GCC2: variants seen among roughly 807,000 people sequenced by gnomAD.
GCC2 encodes the protein GRIP and coiled-coil domain containing 2, also known as GRIP and coiled-coil domain-containing protein 2.
Under a neutral mutation model 210.6 loss-of-function variants are expected in GCC2, and 120 were observed. The ratio of observed to expected loss-of-function variants is 0.57; its 90% CI spans 0.49 to 0.66. GCC2 has a LOEUF of 0.66. Among genes scored for constraint, GCC2 ranks in the 30% least tolerant of loss-of-function variants. The pLI is 0.00. For missense variants in GCC2, 1,868 were observed against 1,871.9 expected (o/e 1.00, Z 0.04); for synonymous variants, 703 against 652.7 (o/e 1.08, Z -1.17).
At chr2:108,482,095 G>A (rs943491358) in intron 10 of GCC2, among the ~76,000 whole-genome samples, 192 bp from the exon 11 acceptor site, 1 of 152,084 alleles carries the variant, frequency 6.6e-6, no homozygotes, top group African/African-American at 2.4e-5. Context: ...CTGGTCTCTT[G>A]TAAGGTTTAC....
intron 9 of GCC2, among the ~76,000 whole-genome samples, chr2:108,477,041 C>G (rs1018719839): frequency 1.3e-5 from 2 of 152,136 alleles, no homozygotes; most frequent in African/African-American, 4.8e-5. Context: ...ACTATCAGTT[C>G]TCAGATTGGT....
intron 6 of GCC2, 146 bp from the exon 7 acceptor site, chr2:108,472,681 A>G (rs192222786): frequency 4.8e-5 from 29 of 600,336 alleles, no homozygotes; most frequent in African/African-American, 4.0e-4. Context: ...ACAAGGGAAA[A>G]TCTGTTGACC....
At chr2:108,454,954 G>A (rs1049482546) in intron 4 of GCC2, among the ~76,000 whole-genome samples, 7 of 140,868 alleles carry the variant, frequency 5.0e-5, no homozygotes, top group South Asian at 2.3e-4. Flanking sequence ...GTGCAGTGGC[G>A]TGATCTCCGC....
chr2:108,501,264 T>C (rs1001302424), intron 22 of GCC2, among the ~76,000 whole-genome samples: 10 of 152,132 alleles, frequency 6.6e-5, no homozygotes, highest in Admixed American at 2.6e-4. Context: ...GGATTACAGG[T>C]GTGAGCCACC....
chr2:108,490,214 T>C (rs1682343891), intron 18 of GCC2, 200 bp downstream of exon 18: 4 of 393,856 alleles, frequency 1.0e-5, no homozygotes, highest in Non-Finnish European at 1.8e-5. Context: ...TAAGAACAAT[T>C]AATGTCTATC....
At chr2:108,504,230 G>T (rs1158874724) in intron 22 of GCC2, among the ~76,000 whole-genome samples, 1 of 152,060 alleles carries the variant, frequency 6.6e-6, no homozygotes, top group Non-Finnish European at 1.5e-5. Context: ...ATGAGTGTTG[G>T]TAAATACCTG....
intron 4 of GCC2, among the ~76,000 whole-genome samples, chr2:108,461,830 C>CTTTT (rs1313525353): frequency 0.01 from 1,279 of 123,878 alleles, 37 homozygotes; most frequent in African/African-American, 0.018. Flanking sequence ...TTTTTTTTTT[C>CTTTT]TTTTTCTTTT....
At chr2:108,507,416 C>G in intron 22 of GCC2, 144 bp from the exon 23 acceptor site, 1 of 307,900 alleles carries the variant, frequency 3.2e-6, no homozygotes, top group South Asian at 3.3e-5. Context: ...CCCCCCCCCC[C>G]AAAAAAAAGG....
At chr2:108,449,751 T>A in intron 2 of GCC2, 62 bp downstream of exon 2, 2 of 1,355,344 alleles carry the variant, frequency 1.5e-6, no homozygotes, top group Non-Finnish European at 2.1e-6. Flanking sequence ...ATTGGAAAAC[T>A]TTGGCATGGG....
At chr2:108,452,331 C>T (rs986758761) in intron 3 of GCC2, 68 bp from the exon 4 acceptor site, 109 of 840,668 alleles carry the variant, frequency 1.3e-4, no homozygotes, top group Non-Finnish European at 1.8e-4. Context: ...TGAGAATGTA[C>T]TTATCAGTTT....
chr2:108,469,259 C>G (rs535957278), intron 5 of GCC2, 175 bp downstream of exon 5: 2 of 467,344 alleles, frequency 4.3e-6, no homozygotes, highest in South Asian at 4.6e-5. Context: ...TATACAGCAA[C>G]AGAGGTGACA....
chr2:108,486,920 T>C (rs1363310895), intron 16 of GCC2, among the ~76,000 whole-genome samples: 1 of 152,238 alleles, frequency 6.6e-6, no homozygotes, highest in Non-Finnish European at 1.5e-5. Context: ...TATAAAACTT[T>C]TTTTATTAGA....
intron 4 of GCC2, among the ~76,000 whole-genome samples, chr2:108,452,818 C>T (rs1680023265): frequency 6.6e-6 from 1 of 150,730 alleles, no homozygotes; most frequent in African/African-American, 2.4e-5. Flanking sequence ...CTCAGCCTTC[C>T]AAATAGCTGG....
At chr2:108,481,108 A>G (rs1408868181) in intron 9 of GCC2, among the ~76,000 whole-genome samples, 2 of 152,348 alleles carry the variant, frequency 1.3e-5, no homozygotes, top group African/African-American at 2.4e-5. Flanking sequence ...TGTGTGTGGC[A>G]AGAAAGTCTG....
chr2:108,481,816 G>A lies in GCC2; in HGVS notation c.3180G>A (p.Gln1060=). Residue 1060 remains glutamine (Q), a splice_region_variant and synonymous_variant, in exon 10 of 23, where the codon CAG becomes CAA. Coordinates refer to ENST00000309863, the MANE Select transcript of GCC2 (RefSeq NM_181453.4). The stretch of plus-strand genomic sequence containing the variant: ...GACAATTAAGAAATTCGACTTTGCA[G>A]GTAATTTTTTAATAAATCCAAAAAT... ...LTRQLRNSTL[Q]CETINSDNED... 6.5e-7 allele frequency: 1 copy of A among 1,549,044 alleles called. No homozygotes were observed. The highest frequency in any genetic ancestry group is 8.7e-7 in the Non-Finnish European group (1 of 1,151,384).
At position 108,497,015 on chromosome 2, in the gene GCC2, A is replaced by C. The variant is rs1472034310; in HGVS notation, c.4688A>C (p.Gln1563Pro). ...HAEFTKEELV[Q>P]KLSSTTKSAD... ...GAATTTACCAAAGAAGAATTGGTTC[A>C]GAAGCTCAGTTCCACCACAAAAAGT... is the stretch of plus-strand genomic sequence containing the variant. Residue 1563 changes from glutamine (Q) to proline (P), a missense_variant, in exon 21 of 23, where the codon CAG becomes CCG. Coordinates refer to ENST00000309863, the MANE Select transcript of GCC2 (RefSeq NM_181453.4). 1 of 1,611,946 alleles carries C rather than the reference A, an allele frequency of 6.2e-7. No homozygotes were observed. The highest frequency in any genetic ancestry group is 2.2e-5 in the East Asian group (1 of 44,902).
intron 18 of GCC2, chr2:108,490,240 C>T (rs554933976): frequency 2.9e-6 from 1 of 349,628 alleles, no homozygotes; most frequent in South Asian, 1.4e-4. Context: ...ATCCAGTATT[C>T]TGTGTCTCCT....
In GCC2 at chr2:108,507,733, T is replaced by G; in HGVS notation, c.*103T>G. The G allele has an allele frequency of 1.2e-6, 1 of 807,014 alleles. No individual in the cohort carries two copies. Among genetic ancestry groups the G allele is most frequent in the East Asian group, 2.6e-5 (1 of 39,108 alleles). The allele number at this position is 807,014 out of a possible 1,614,324, so 50.0% of individuals were successfully genotyped here. On this transcript the variant is annotated 3_prime_UTR_variant, in exon 23 of 23. Transcript: ENST00000309863. Reference sequence around the variant, plus strand: ...TTGTCAAAAAGTGTGTATATATGTTTGCATCTACATATATTTGTACATCTA... The same window carrying G: ...TTGTCAAAAAGTGTGTATATATGTTGGCATCTACATATATTTGTACATCTA...
intron 6 of GCC2, 113 bp downstream of exon 6, chr2:108,472,229 C>A: frequency 4.5e-6 from 3 of 659,670 alleles, no homozygotes; most frequent in South Asian, 3.4e-5. Context: ...ACCATTTAAG[C>A]CCAAGTGGCA....
Sources: gnomAD v4.1 joint callset for allele counts (sites outside exome capture counted in the v4.1 genomes callset) on GRCh38, gnomAD v4.1.1 for gene constraint, MANE v1.5 for transcripts, NCBI Gene and HGNC (gene_info 2026-07-23, HGNC 2026-07-21) for gene names.